ZC3H15: variants seen among roughly 807,000 people sequenced by gnomAD.
ZC3H15 encodes zinc finger CCCH-type containing 15.
A neutral mutation model predicts 51.2 loss-of-function variants in ZC3H15; 15 were observed. That is an observed-to-expected ratio of 0.29 (90% CI 0.20 to 0.45). The LOEUF (loss-of-function observed/expected upper bound fraction) is 0.45, where lower values mean the gene tolerates loss of function less well. ZC3H15 is among the 20% of genes least tolerant of loss of function. The pLI is 1.00. For missense variants in ZC3H15, 381 were observed against 494.7 expected, an observed-to-expected ratio of 0.77 and a Z score of 2.18; for synonymous variants, 144 against 162.8, an observed-to-expected ratio of 0.88 and a Z score of 0.88.
chr2:186,500,356 A>T, intron 3 of ZC3H15, 63 bp downstream of exon 3: 3 of 1,294,136 alleles, frequency 2.3e-6, no homozygotes, highest in Non-Finnish European at 3.2e-6. Context: ...AAAACTATTT[A>T]TTTTGATGTT....
intron 1 of ZC3H15, among the ~76,000 whole-genome samples, chr2:186,493,855 G>T (rs1045618595): frequency 1.3e-5 from 2 of 148,216 alleles, no homozygotes; most frequent in Admixed American, 1.4e-4. Context: ...CCAGTTATTG[G>T]ATCTAGGGCC....
intron 6 of ZC3H15, 192 bp from the exon 7 acceptor site, chr2:186,505,259 A>G (rs1191407191): frequency 2.5e-6 from 1 of 396,162 alleles, no homozygotes; most frequent in African/African-American, 2.1e-5. Flanking sequence ...ATATATTTTT[A>G]GTGTTTGTAT....
At position 186,495,316 on chromosome 2, in the gene ZC3H15, T is replaced by G; in HGVS notation, c.159T>G (p.Gly53=). 1 of 1,539,900 alleles carries G rather than the reference T, an allele frequency of 6.5e-7. No individual in the cohort carries two copies. Among genetic ancestry groups the G allele is most frequent in the Non-Finnish European group, 8.7e-7 (1 of 1,147,320 alleles). ...IKAVTHQVKF[G]QQNPRQVAQS... ...CTGTCACACATCAAGTTAAATTTGG[T>G]CAACAAAATCCACGTCAGGTAAGTA... The change falls in exon 2 of 10, where the codon GGT becomes GGG. Residue 53 remains glycine (G), a synonymous_variant. Transcript: ENST00000337859.
At chr2:186,505,356 AT>A (rs1685450752) in intron 6 of ZC3H15, 94 bp from the exon 7 acceptor site, 2 of 1,396,818 alleles carry the variant, frequency 1.4e-6, no homozygotes, top group Non-Finnish European at 1.9e-6. Context: ...CAGGATAGTC[AT>A]GGGCAAGGAA....
intron 2 of ZC3H15, 31 bp from the exon 3 acceptor site, chr2:186,500,151 A>G (rs4144785): frequency 0.35 from 547,959 of 1,565,708 alleles, 97,570 homozygotes; most frequent in East Asian, 0.41. Context: ...TAAACAATCA[A>G]ATTTACATTT....
At chr2:186,506,319 C>T (rs865933789) in intron 8 of ZC3H15, among the ~76,000 whole-genome samples, 4 of 151,994 alleles carry the variant, frequency 2.6e-5, no homozygotes, top group Non-Finnish European at 4.4e-5. Flanking sequence ...TGTGTACTTA[C>T]AAAATTCTGG....
intron 6 of ZC3H15, among the ~76,000 whole-genome samples, chr2:186,504,785 A>C (rs1484388134): frequency 6.6e-6 from 1 of 152,204 alleles, no homozygotes; most frequent in Non-Finnish European, 1.5e-5. Context: ...CATATTAAAA[A>C]CTATATCCAT....
chr2:186,499,358 G>A (rs1246102542), intron 2 of ZC3H15, among the ~76,000 whole-genome samples: 6 of 152,258 alleles, frequency 3.9e-5, no homozygotes, highest in African/African-American at 1.2e-4. Flanking sequence ...TCTTACTGAT[G>A]TTTCTCATAC....
At chr2:186,507,669 G>C (rs746634227) in intron 9 of ZC3H15, among the ~76,000 whole-genome samples, 6 of 152,180 alleles carry the variant, frequency 3.9e-5, no homozygotes, top group Non-Finnish European at 7.3e-5. Context: ...GAAAACAGCA[G>C]AAGAAATGCC....
At chr2:186,501,549 G>A (rs2039103003) in intron 4 of ZC3H15, 124 bp downstream of exon 4, 1 of 811,496 alleles carries the variant, frequency 1.2e-6, no homozygotes, top group Non-Finnish European at 1.8e-6. Flanking sequence ...ATAATTAATT[G>A]GGTTTATTAT....
At chr2:186,499,490 G>A in intron 2 of ZC3H15, 1 of 408,426 alleles carries the variant, frequency 2.4e-6, no homozygotes, top group Non-Finnish European at 4.8e-6. Flanking sequence ...AGGTATATGG[G>A]CATTCTTTGT....
chr2:186,500,763 C>G (rs1685369268), intron 3 of ZC3H15: 1 of 450,622 alleles, frequency 2.2e-6, no homozygotes, highest in South Asian at 1.6e-5. Flanking sequence ...CAACCTCCGA[C>G]TGTCTGGTTC....
At chr2:186,508,461 G>A (rs531292846) in intron 9 of ZC3H15, 82 bp from the exon 10 acceptor site, 2 of 1,194,368 alleles carry the variant, frequency 1.7e-6, no homozygotes, top group East Asian at 2.4e-5. Context: ...AGGAAGTGTA[G>A]TATCAGTCTA....
chr2:186,506,850 C>T lies in ZC3H15; in HGVS notation c.1090+14C>T. On this transcript the variant is annotated intron_variant, in intron 9 of 9. Transcript: ENST00000337859. ...CAGATAAAGATGGTAAGTATGCTAACTTTTGCCTAATTTTAAGAACTAGGA... is the reference window on the plus strand; with the variant it reads ...CAGATAAAGATGGTAAGTATGCTAATTTTTGCCTAATTTTAAGAACTAGGA... 6.2e-7 allele frequency: 1 copy of T among 1,604,132 alleles called. No individual in the cohort carries two copies.
At chr2:186,494,426 G>A (rs763763739) in intron 1 of ZC3H15, among the ~76,000 whole-genome samples, 3 of 152,138 alleles carry the variant, frequency 2.0e-5, no homozygotes, top group Non-Finnish European at 2.9e-5. Context: ...CCAAAAATGT[G>A]TTCAGTATCG....
intron 2 of ZC3H15, 91 bp downstream of exon 2, chr2:186,495,425 G>A: frequency 1.1e-6 from 1 of 876,602 alleles, no homozygotes; most frequent in Non-Finnish European, 1.6e-6. Flanking sequence ...TTATATAATT[G>A]TATTTCAAAA....
At chr2:186,507,740 A>G (rs1246881157) in intron 9 of ZC3H15, among the ~76,000 whole-genome samples, 3 of 152,204 alleles carry the variant, frequency 2.0e-5, no homozygotes, top group African/African-American at 2.4e-5. Context: ...AAAGCACACA[A>G]GCTGTAACTT....
chr2:186,491,698 C>G (rs1409342910), intron 1 of ZC3H15, among the ~76,000 whole-genome samples: 1 of 152,288 alleles, frequency 6.6e-6, no homozygotes, highest in East Asian at 1.9e-4. Flanking sequence ...CAGCCAGCCC[C>G]TTATTAATGA....
At chr2:186,497,662 C>T (rs1328021412) in intron 2 of ZC3H15, among the ~76,000 whole-genome samples, 3 of 152,198 alleles carry the variant, frequency 2.0e-5, no homozygotes, top group Non-Finnish European at 4.4e-5. Flanking sequence ...GAAGAACTCA[C>T]TTTCTTCACT....
Sources: gnomAD v4.1 joint callset for allele counts (sites outside exome capture counted in the v4.1 genomes callset) on GRCh38, gnomAD v4.1.1 for gene constraint, MANE v1.5 for transcripts, NCBI Gene and HGNC (gene_info 2026-07-23, HGNC 2026-07-21) for gene names.